Variants in ARHGAP10 observed in about 807,000 individuals in gnomAD.
ARHGAP10 encodes Rho GTPase activating protein 10.
A neutral mutation model predicts 108.6 loss-of-function variants in ARHGAP10; 87 were observed. The ratio of observed to expected loss-of-function variants is 0.80; its 90% confidence interval spans 0.67 to 0.96. The LOEUF is 0.96. Ranked by LOEUF, ARHGAP10 falls within the 40% of genes least tolerant of loss-of-function variation. ARHGAP10 has a pLI of 0.00. For missense variants in ARHGAP10, 939 were observed against 954.5 expected, an observed-to-expected ratio of 0.98 and a Z score of 0.21; for synonymous variants, 347 against 341.1, an observed-to-expected ratio of 1.02 and a Z score of -0.19.
intron 15 of ARHGAP10, among the ~76,000 whole-genome samples, chr4:147,951,475 G>A (rs2126978671): frequency 6.6e-6 from 1 of 151,012 alleles, no homozygotes; most frequent in East Asian, 2.0e-4. Context: ...GGAAATAAGA[G>A]CAGGACTTTT....
chr4:148,018,481 C>G (rs1170538128), intron 18 of ARHGAP10, among the ~76,000 whole-genome samples: 1 of 151,636 alleles, frequency 6.6e-6, no homozygotes, highest in Non-Finnish European at 1.5e-5. Context: ...AACAGTTTTA[C>G]TATTTCCTCT....
At chr4:147,775,137 A>T (rs916751666) in intron 1 of ARHGAP10, among the ~76,000 whole-genome samples, 2 of 149,476 alleles carry the variant, frequency 1.3e-5, no homozygotes, top group Non-Finnish European at 1.5e-5. Flanking sequence ...CTGGTCTTGA[A>T]CTCCTGACCT....
intron 10 of ARHGAP10, among the ~76,000 whole-genome samples, chr4:147,890,832 A>C (rs542081503): frequency 1.4e-4 from 22 of 152,350 alleles, no homozygotes; most frequent in African/African-American, 5.3e-4. Context: ...ATCACAAAAA[A>C]AACAACAAAA....
intron 4 of ARHGAP10, among the ~76,000 whole-genome samples, chr4:147,851,756 G>T (rs751629767): frequency 6.6e-6 from 1 of 152,158 alleles, no homozygotes; most frequent in Non-Finnish European, 1.5e-5. Flanking sequence ...CCAGCCTTCA[G>T]GAAGTTAGCA....
At position 147,878,859 on chromosome 4, in the gene ARHGAP10, C is replaced by G. The variant is rs1255346216; in HGVS notation, c.833-373C>G. Reference sequence around the variant, plus strand: ...TGGCGCGATCTCGGCTCACTGCAAGCTCTGCCTCTTGGGTTCACACCATTC... The same window carrying G: ...TGGCGCGATCTCGGCTCACTGCAAGGTCTGCCTCTTGGGTTCACACCATTC... On this transcript the variant is annotated intron_variant, in intron 8 of 22. Transcript: ENST00000336498. Among the ~76,000 whole-genome samples, 4 of 148,662 alleles carry G rather than the reference C, an allele frequency of 2.7e-5. No homozygotes were observed. In the East Asian group the frequency reaches 6.0e-4, roughly 22 times the overall value.
intron 3 of ARHGAP10, among the ~76,000 whole-genome samples, chr4:147,840,362 T>C (rs1200740098): frequency 6.6e-6 from 1 of 152,154 alleles, no homozygotes; most frequent in Admixed American, 6.5e-5. Context: ...ACAGCTTTCA[T>C]GTTTCCACTA....
chr4:147,733,061 C>G (rs958886325), intron 1 of ARHGAP10, among the ~76,000 whole-genome samples: 2 of 152,134 alleles, frequency 1.3e-5, no homozygotes, highest in African/African-American at 2.4e-5. Flanking sequence ...CCTCCCCTGC[C>G]GTGCTGAGGA....
At chr4:147,786,308 T>G (rs1428918905) in intron 1 of ARHGAP10, among the ~76,000 whole-genome samples, 1 of 152,186 alleles carries the variant, frequency 6.6e-6, no homozygotes, top group East Asian at 1.9e-4. Flanking sequence ...ATGTGTTTGT[T>G]TTGTGAATCT....
chr4:148,016,983 TAAAAAA>T (rs767261865), intron 18 of ARHGAP10, among the ~76,000 whole-genome samples: 2 of 112,578 alleles, frequency 1.8e-5, no homozygotes, highest in African/African-American at 3.3e-5. Context: ...TCATCTCTAT[TAAAAAA>T]AAAAAAAAAA....
intron 5 of ARHGAP10, chr4:147,862,097 T>G (rs937445186): frequency 9.2e-5 from 14 of 152,342 alleles, no homozygotes; most frequent in African/African-American, 3.4e-4. Context: ...CAGGCCCCTG[T>G]TAAGCTGCTC....
chr4:148,060,513 A>G (rs1464286676), intron 20 of ARHGAP10, among the ~76,000 whole-genome samples: 1 of 152,140 alleles, frequency 6.6e-6, no homozygotes, highest in Non-Finnish European at 1.5e-5. Context: ...CCAGCCGACA[A>G]GCCTCTGAAA....
chr4:147,787,998 G>A (rs1043756375), intron 1 of ARHGAP10, among the ~76,000 whole-genome samples: 5 of 152,124 alleles, frequency 3.3e-5, no homozygotes, highest in Non-Finnish European at 5.9e-5. Context: ...GTTCCCGGAT[G>A]TGAGAAAACT....
At chr4:147,866,499 T>G (rs1579134126) in intron 6 of ARHGAP10, 7 of 490,862 alleles carry the variant, frequency 1.4e-5, no homozygotes. Flanking sequence ...CTAATGGCTG[T>G]GATATTTAAG....
chr4:147,795,024 A>T (rs1358192946), intron 1 of ARHGAP10, among the ~76,000 whole-genome samples: 26 of 152,196 alleles, frequency 1.7e-4, no homozygotes, highest in Admixed American at 1.7e-3. Flanking sequence ...AGCTAGTGAA[A>T]TATTAATTTC....
intron 13 of ARHGAP10, among the ~76,000 whole-genome samples, chr4:147,937,443 A>G (rs1204450640): frequency 1.3e-5 from 2 of 152,124 alleles, no homozygotes; most frequent in East Asian, 3.8e-4. Flanking sequence ...GAGGATTAGG[A>G]CGTCAACAGA....
At position 148,072,018 on chromosome 4, in the gene ARHGAP10, G is replaced by T; in HGVS notation, c.2298G>T (p.Trp766Cys). The T allele has an allele frequency of 1.2e-6, 2 of 1,613,668 alleles. No individual in the cohort carries two copies. Among genetic ancestry groups the T allele is most frequent in the Non-Finnish European group, 1.7e-6 (2 of 1,179,822 alleles). ...TACAAACCTCCAGGGAACCTGGCTGGCTAGAAGGGACTCTGAACGGCAAGA... is the reference window on the plus strand; with the variant it reads ...TACAAACCTCCAGGGAACCTGGCTGTCTAGAAGGGACTCTGAACGGCAAGA... ...EDVQTSREPG[W>C]LEGTLNGKRG... Residue 766 changes from tryptophan (W) to cysteine (C), a missense_variant, in exon 23 of 23, where the codon TGG (tryptophan) becomes TGT (cysteine). By Grantham distance (215) the Trp-to-Cys change is radical (BLOSUM62 -2). Coordinates refer to ENST00000336498, the MANE Select transcript of ARHGAP10 (RefSeq NM_024605.4).
At chr4:147,937,173 C>CT (rs1373714760) in intron 13 of ARHGAP10, among the ~76,000 whole-genome samples, 2 of 152,282 alleles carry the variant, frequency 1.3e-5, no homozygotes, top group Non-Finnish European at 2.9e-5. Flanking sequence ...AATCAATTTT[C>CT]TCACAATTCT....
chr4:147,778,392 C>T (rs28668372), intron 1 of ARHGAP10, among the ~76,000 whole-genome samples: 5,673 of 152,116 alleles, frequency 0.037, 315 homozygotes, highest in African/African-American at 0.12. Flanking sequence ...CATAACTTAC[C>T]GAGATCTGCC....
intron 19 of ARHGAP10, among the ~76,000 whole-genome samples, chr4:148,040,633 C>T (rs950360309): frequency 6.6e-6 from 1 of 152,056 alleles, no homozygotes; most frequent in Non-Finnish European, 1.5e-5. Flanking sequence ...TGAGCTGCAG[C>T]GCCTGGCCAG....
Sources: allele counts gnomAD v4.1 joint callset (sites outside exome capture counted in the v4.1 genomes callset), GRCh38; gene constraint gnomAD v4.1.1; transcripts MANE v1.5; gene names NCBI Gene and HGNC (gene_info 2026-07-23, HGNC 2026-07-21).